CADM1: variants seen among roughly 807,000 people sequenced by gnomAD.
CADM1 encodes the protein cell adhesion molecule 1, also known as TSLC-1.
A neutral mutation model predicts 53.1 loss-of-function variants in CADM1; 15 were observed. That is an observed-to-expected ratio of 0.28 (90% CI 0.19 to 0.44). CADM1 has a LOEUF of 0.44. CADM1 is among the 20% of genes least tolerant of loss of function. The pLI is 1.00. For synonymous variants in CADM1, 281 were observed against 243.0 expected (o/e 1.16, Z -1.45); for missense variants, 434 against 611.3 (o/e 0.71, Z 3.06).
chr11:115,367,125 G>A (rs1440212807), intron 1 of CADM1, among the ~76,000 whole-genome samples: 2 of 152,246 alleles, frequency 1.3e-5, no homozygotes, highest in Non-Finnish European at 2.9e-5. Context: ...GAGGCAGGAG[G>A]ATAGCATGAG....
At chr11:115,218,795 T>C (rs1941292821) in intron 5 of CADM1, among the ~76,000 whole-genome samples, 1 of 152,182 alleles carries the variant, frequency 6.6e-6, no homozygotes. Flanking sequence ...AGGAAGGAGA[T>C]ATAAGTATTC....
At chr11:115,407,072 A>T (rs1947335229) in intron 1 of CADM1, among the ~76,000 whole-genome samples, 1 of 152,136 alleles carries the variant, frequency 6.6e-6, no homozygotes, top group Non-Finnish European at 1.5e-5. Context: ...CCCATATCAC[A>T]CTAAAGTATT....
intron 1 of CADM1, among the ~76,000 whole-genome samples, chr11:115,373,675 G>A (rs1946369876): frequency 6.6e-6 from 1 of 151,676 alleles, no homozygotes; most frequent in Admixed American, 6.6e-5. Flanking sequence ...GAAGAAAATG[G>A]GAGGTTCCAT....
At chr11:115,471,548 A>G (rs942477023) in intron 1 of CADM1, among the ~76,000 whole-genome samples, 1 of 152,204 alleles carries the variant, frequency 6.6e-6, no homozygotes, top group African/African-American at 2.4e-5. Context: ...TACACAGTAC[A>G]CTGGTTCTCA....
At chr11:115,385,770 A>T (rs2135166884) in intron 1 of CADM1, among the ~76,000 whole-genome samples, 1 of 152,330 alleles carries the variant, frequency 6.6e-6, no homozygotes. Flanking sequence ...TTGACTGCCC[A>T]GACCAGCTAA....
At chr11:115,408,486 G>A (rs1947373218) in intron 1 of CADM1, among the ~76,000 whole-genome samples, 1 of 152,234 alleles carries the variant, frequency 6.6e-6, no homozygotes, top group African/African-American at 2.4e-5. Flanking sequence ...CAAAGATGTG[G>A]AGCGGCCAAA....
chr11:115,286,739 T>A (rs1943739008), intron 1 of CADM1, among the ~76,000 whole-genome samples: 1 of 152,124 alleles, frequency 6.6e-6, no homozygotes, highest in Admixed American at 6.5e-5. Context: ...TCCCCCCAGT[T>A]AAGGAACAAT....
Position 115,381,142 on chromosome 11 carries a change from A to C in CADM1, c.124+123129T>G, listed in dbSNP as rs539796477. 1.2e-3 allele frequency among the ~76,000 whole-genome samples: 187 copies of C among 151,920 alleles called. 1 individual carries two copies. Among genetic ancestry groups the C allele is most frequent in the African/African-American group, 4.4e-3 (181 of 41,442 alleles). The stretch of plus-strand genomic sequence containing the variant: ...AAACCCCATCTCTACTAAAAATACA[A>C]AAAAATTAGCTGGGCATAGTGGCAG... On this transcript the variant is annotated intron_variant, in intron 1 of 11. Transcript: ENST00000331581.
intron 1 of CADM1, among the ~76,000 whole-genome samples, chr11:115,322,747 G>C (rs1257187356): frequency 6.6e-6 from 1 of 151,998 alleles, no homozygotes; most frequent in Non-Finnish European, 1.5e-5. Context: ...ACTTCATTCT[G>C]TTTAATGGTT....
At chr11:115,453,002 A>C (rs935787909) in intron 1 of CADM1, among the ~76,000 whole-genome samples, 1 of 152,170 alleles carries the variant, frequency 6.6e-6, no homozygotes, top group Non-Finnish European at 1.5e-5. Flanking sequence ...TAATTAGATA[A>C]ATTTTATCTA....
chr11:115,267,104 T>A (rs111260748), intron 1 of CADM1, among the ~76,000 whole-genome samples: 270 of 152,356 alleles, frequency 1.8e-3, no homozygotes, highest in African/African-American at 6.0e-3. Context: ...CATGCAAAGA[T>A]GCTATAGTAA....
chr11:115,488,669 A>G (rs1276688549), intron 1 of CADM1, among the ~76,000 whole-genome samples: 1 of 152,196 alleles, frequency 6.6e-6, no homozygotes, highest in African/African-American at 2.4e-5. Context: ...TCTTCTACAC[A>G]AGACCAAAAG....
intron 1 of CADM1, among the ~76,000 whole-genome samples, chr11:115,500,344 A>G (rs1949703708): frequency 6.6e-6 from 1 of 152,218 alleles, no homozygotes. Context: ...TGTAAATTCT[A>G]AGTGACCAAT....
In CADM1 at chr11:115,238,524, T is replaced by C; in HGVS notation, c.400A>G (p.Ser134Gly). The C allele has an allele frequency of 6.2e-7, 1 of 1,613,916 alleles. No individual in the cohort carries two copies. Among genetic ancestry groups the C allele is most frequent in the Non-Finnish European group, 8.5e-7 (1 of 1,179,830 alleles). The change falls in exon 3 of 12, where the codon AGT becomes GGT. Residue 134 changes from serine to glycine, a missense_variant. This residue lies in a region of CADM1 where 311 missense variants were observed against 435.1 expected (regional missense o/e 0.71). Transcript: ENST00000331581. ...CCCAGGACTGTGATGGTGGTGTAACTTTCCTGTGGGGGATCGGTATAGAGC... is the reference window on the plus strand; with the variant it reads ...CCCAGGACTGTGATGGTGGTGTAACCTTCCTGTGGGGGATCGGTATAGAGC... ...CQLYTDPPQE[S>G]YTTITVLVPP...
intron 1 of CADM1, among the ~76,000 whole-genome samples, chr11:115,283,686 T>A (rs1302153786): frequency 6.6e-6 from 1 of 152,088 alleles, no homozygotes; most frequent in Non-Finnish European, 1.5e-5. Context: ...AGCAAAAAAT[T>A]AAATGCCAAC....
intron 1 of CADM1, among the ~76,000 whole-genome samples, chr11:115,280,677 ATCT>A (rs1277828272): frequency 1.3e-5 from 2 of 152,212 alleles, no homozygotes; most frequent in Admixed American, 1.3e-4. Flanking sequence ...TACGACTCAG[ATCT>A]TCACAGATCC....
intron 1 of CADM1, among the ~76,000 whole-genome samples, chr11:115,325,380 G>A (rs1260054526): frequency 6.6e-6 from 1 of 152,142 alleles, no homozygotes; most frequent in African/African-American, 2.4e-5. Flanking sequence ...GGGGCAGCAG[G>A]AAAGCAGGGT....
At chr11:115,365,494 A>C (rs1565388870) in intron 1 of CADM1, among the ~76,000 whole-genome samples, 1 of 152,182 alleles carries the variant, frequency 6.6e-6, no homozygotes, top group Non-Finnish European at 1.5e-5. Context: ...TGTTTATACA[A>C]GAAAGATGTC....
chr11:115,434,869 T>C (rs1018792082), intron 1 of CADM1, among the ~76,000 whole-genome samples: 2 of 147,262 alleles, frequency 1.4e-5, no homozygotes, highest in African/African-American at 4.9e-5. Context: ...TATTATTTTT[T>C]TTTTTTTTTG....
Sources: gnomAD v4.1 joint callset for allele counts (sites outside exome capture counted in the v4.1 genomes callset) on GRCh38, gnomAD v4.1.1 for gene constraint, gnomAD v4.1.1 regional missense constraint, MANE v1.5 for transcripts, NCBI Gene and HGNC (gene_info 2026-07-23, HGNC 2026-07-21) for gene names.